Variants in UBE2R2 observed in about 807,000 individuals in gnomAD.
The protein encoded by UBE2R2 is ubiquitin conjugating enzyme E2 R2.
A neutral mutation model predicts 27.8 loss-of-function variants in UBE2R2; 1 was observed. That is an observed-to-expected ratio of 0.04 (90% CI 0.01 to 0.17). The LOEUF (loss-of-function observed/expected upper bound fraction) is 0.17. UBE2R2 is among the 10% of genes least tolerant of loss of function. The pLI, the probability that UBE2R2 is intolerant of heterozygous loss-of-function variation, is 1.00. For synonymous variants in UBE2R2, 106 were observed against 113.3 expected, an observed-to-expected ratio of 0.94 and a Z score of 0.41; for missense variants, 100 against 291.0, an observed-to-expected ratio of 0.34 and a Z score of 4.78.
intron 1 of UBE2R2, among the ~76,000 whole-genome samples, chr9:33,873,174 TAAA>T (rs540364601): frequency 0.083 from 9,002 of 109,100 alleles, 405 homozygotes; most frequent in Middle Eastern, 0.11. Context: ...GACTCCGTCT[TAAA>T]AAAAAAAAAA....
chr9:33,844,515 ATTTTTTTTTTT>A (rs34578523), intron 1 of UBE2R2, among the ~76,000 whole-genome samples: 1 of 110,146 alleles, frequency 9.1e-6, no homozygotes, highest in South Asian at 3.1e-4. Context: ...TCCCACATCT[ATTTTTTTTTTT>A]TTTTTTTTTT....
chr9:33,853,631 T>G (rs998661731), intron 1 of UBE2R2, among the ~76,000 whole-genome samples: 1 of 152,040 alleles, frequency 6.6e-6, no homozygotes, highest in Non-Finnish European at 1.5e-5. Flanking sequence ...CATTTTCAAA[T>G]TTCTGCTGAT....
intron 1 of UBE2R2, among the ~76,000 whole-genome samples, chr9:33,823,894 A>G (rs982086544): frequency 6.6e-6 from 1 of 152,122 alleles, no homozygotes; most frequent in Non-Finnish European, 1.5e-5. Flanking sequence ...TATAAAACGA[A>G]TGCTCTTTTA....
Position 33,886,342 on chromosome 9 carries a change from G to A in UBE2R2, c.178-539G>A, listed in dbSNP as rs575720789. ...TATGTTTGTGTATGTGAGTGAGTGT[G>A]AGTTTTGGTGACTTAAAATAGCCTT... is the stretch of plus-strand genomic sequence containing the variant. On this transcript the variant is annotated intron_variant, in intron 1 of 4. Transcript: ENST00000263228. Among the ~76,000 whole-genome samples the A allele has an allele frequency of 2.0e-5, 3 of 152,234 alleles. No homozygotes were observed. In the East Asian group the frequency reaches 5.8e-4, roughly 29 times the overall value.
intron 1 of UBE2R2, among the ~76,000 whole-genome samples, chr9:33,821,305 C>T (rs150771215): frequency 8.4e-4 from 127 of 152,068 alleles, no homozygotes; most frequent in Non-Finnish European, 6.9e-4. Flanking sequence ...GGCATGACTA[C>T]GCCCGGCTAA....
chr9:33,826,548 A>G (rs140113680), intron 1 of UBE2R2, among the ~76,000 whole-genome samples: 155 of 152,126 alleles, frequency 1.0e-3, no homozygotes, highest in African/African-American at 3.6e-3. Flanking sequence ...ACTACAAAAA[A>G]TTAGCAGGGC....
chr9:33,874,275 T>G (rs1821555914), intron 1 of UBE2R2, among the ~76,000 whole-genome samples: 1 of 152,128 alleles, frequency 6.6e-6, no homozygotes, highest in Non-Finnish European at 1.5e-5. Context: ...TTTTCAAACT[T>G]AATTGAGTGT....
chr9:33,878,909 G>A (rs1395297993), intron 1 of UBE2R2, among the ~76,000 whole-genome samples: 4 of 152,106 alleles, frequency 2.6e-5, no homozygotes, highest in Non-Finnish European at 4.4e-5. Flanking sequence ...CTGACTTGTG[G>A]CTTATCTGCT....
At chr9:33,821,905 A>T (rs538959318) in intron 1 of UBE2R2, among the ~76,000 whole-genome samples, 34 of 152,218 alleles carry the variant, frequency 2.2e-4, no homozygotes, top group Admixed American at 2.1e-3. Context: ...TAGAGGCCTG[A>T]GCCACCACTC....
chr9:33,907,304 T>G (rs576373263), intron 3 of UBE2R2, among the ~76,000 whole-genome samples: 1 of 152,324 alleles, frequency 6.6e-6, no homozygotes, highest in South Asian at 2.1e-4. Flanking sequence ...CTTTCTCTTC[T>G]TAGCATTTTT....
At chr9:33,889,985 T>G (rs534028748) in intron 2 of UBE2R2, among the ~76,000 whole-genome samples, 1 of 152,208 alleles carries the variant, frequency 6.6e-6, no homozygotes, top group Non-Finnish European at 1.5e-5. Context: ...CAGCAGAGAG[T>G]TAATTGCTCT....
intron 1 of UBE2R2, among the ~76,000 whole-genome samples, chr9:33,825,618 C>T (rs949013780): frequency 1.3e-5 from 2 of 152,086 alleles, no homozygotes; most frequent in African/African-American, 4.8e-5. Context: ...TTCCATCTTT[C>T]CAACTTAATG....
At chr9:33,888,732 G>A (rs1453000865) in intron 2 of UBE2R2, among the ~76,000 whole-genome samples, 1 of 152,154 alleles carries the variant, frequency 6.6e-6, no homozygotes, top group East Asian at 1.9e-4. Context: ...GGCCAGAGTG[G>A]CCTCGAACTT....
At chr9:33,909,564 TAAG>T (rs2130818940) in intron 3 of UBE2R2, among the ~76,000 whole-genome samples, 1 of 152,262 alleles carries the variant, frequency 6.6e-6, no homozygotes, top group East Asian at 1.9e-4. Flanking sequence ...TCCCAGTACT[TAAG>T]GAGTCCAAGG....
intron 1 of UBE2R2, among the ~76,000 whole-genome samples, chr9:33,876,789 G>A (rs925369472): frequency 6.6e-6 from 1 of 152,014 alleles, no homozygotes; most frequent in African/African-American, 2.4e-5. Context: ...GGTGGAGGGC[G>A]CCTCTAGTCC....
chr9:33,886,548 G>A (rs192229797), intron 1 of UBE2R2, among the ~76,000 whole-genome samples: 4 of 151,904 alleles, frequency 2.6e-5, no homozygotes, highest in African/African-American at 7.2e-5. Flanking sequence ...CCAGCTACTC[G>A]GGAGGCTGAG....
rs151240886 is a variant in UBE2R2, at chr9:33,895,612, T to G, written c.265-4562T>G. ...AGGTAGGATTTGATAAGGATTGTGT[T>G]GAATGAACCTGTAGATCAAACTGGG... On this transcript the variant is annotated intron_variant, in intron 2 of 4. Transcript: ENST00000263228. 1.2e-4 allele frequency among the ~76,000 whole-genome samples: 19 copies of G among 152,280 alleles called. No homozygotes were observed. In the East Asian group the frequency reaches 3.7e-3, roughly 29 times the overall value.
At chr9:33,817,005 G>GGGA (rs1010395518), upstream of UBE2R2, among the ~76,000 whole-genome samples, 1 of 151,964 alleles carries the variant, frequency 6.6e-6, no homozygotes, top group African/African-American at 2.4e-5. Context: ...GCGTGGAAAC[G>GGGA]GGAGGAGGAG....
chr9:33,910,574 A>T (rs904883627), intron 3 of UBE2R2, among the ~76,000 whole-genome samples: 2 of 152,238 alleles, frequency 1.3e-5, no homozygotes, highest in Non-Finnish European at 2.9e-5. Flanking sequence ...CAGGGATGGC[A>T]TCTAACTTGC....
Sources: allele counts gnomAD v4.1 joint callset (sites outside exome capture counted in the v4.1 genomes callset), GRCh38; gene constraint gnomAD v4.1.1; transcripts MANE v1.5; gene names NCBI Gene and HGNC (gene_info 2026-07-23, HGNC 2026-07-21).